The following KRTAP10-11 variants were observed in gnomAD, a reference collection of about 807,000 sequenced individuals.
KRTAP10-11 encodes the protein keratin associated protein 10-11, also known as keratin-associated protein 10-11.
For synonymous variants in KRTAP10-11, 188 were observed against 161.1 expected, an observed-to-expected ratio of 1.17 and a Z score of -1.27; for missense variants, 401 against 378.8, an observed-to-expected ratio of 1.06 and a Z score of -0.49.
Position 44,646,612 on chromosome 21 carries a change from T to C in KRTAP10-11, c.154T>C (p.Cys52Arg), listed in dbSNP as rs782387758. Residue 52 changes from cysteine (C) to arginine (R), a missense_variant, in exon 1 of 1, where the codon TGT (cysteine) becomes CGT (arginine). By Grantham distance (180) the Cys-to-Arg change is radical. Transcript: ENST00000334670. Reference sequence around the variant, plus strand: ...GAGCCTGGTCTGCACCCCAGTGAGCTGTGTGTCCAGCCCCTGCTGCCAGGC... The same window carrying C: ...GAGCCTGGTCTGCACCCCAGTGAGCCGTGTGTCCAGCCCCTGCTGCCAGGC... ...SLSLVCTPVS[C>R]VSSPCCQAAC... The C allele has an allele frequency of 1.9e-5, 31 of 1,612,848 alleles. No individual in the cohort carries two copies. The highest frequency in any genetic ancestry group is 2.3e-5 in the Non-Finnish European group (27 of 1,179,870).
At position 44,646,543 on chromosome 21, in the gene KRTAP10-11, C is replaced by G. The variant is rs781794270; in HGVS notation, c.85C>G (p.Pro29Ala). The G allele has an allele frequency of 2.5e-6, 4 of 1,612,600 alleles. No individual in the cohort carries two copies. The highest frequency in any genetic ancestry group is 3.3e-5 in the Admixed American group (2 of 60,022). ...VDDCPESCCEPPCSAPSCCAP... is the reference protein window; with the variant it reads ...VDDCPESCCEAPCSAPSCCAP... ...CGACTGCCCAGAGAGCTGCTGTGAG[C>G]CCCCCTGCAGCGCCCCCAGCTGCTG... is the stretch of plus-strand genomic sequence containing the variant. The change falls in exon 1 of 1, where the codon CCC becomes GCC. Residue 29 changes from proline to alanine, a missense_variant. Coordinates refer to ENST00000334670, the MANE Select transcript of KRTAP10-11 (RefSeq NM_198692.3).
chr21:44,646,556 C>A lies in KRTAP10-11; in HGVS notation c.98C>A (p.Ala33Asp), dbSNP rs1555939810. 1.2e-6 allele frequency: 2 copies of A among 1,612,346 alleles called. No homozygotes were observed. Among genetic ancestry groups the A allele is most frequent in the Non-Finnish European group, 1.7e-6 (2 of 1,179,940 alleles). Residue 33 changes from alanine (A) to aspartate (D), a missense_variant, in exon 1 of 1, where the codon GCC becomes GAC. Coordinates refer to ENST00000334670, the MANE Select transcript of KRTAP10-11 (RefSeq NM_198692.3). ...PESCCEPPCS[A>D]PSCCAPAPSL... ...AGCTGCTGTGAGCCCCCCTGCAGCGCCCCCAGCTGCTGCGCCCCGGCCCCC... is the reference window on the plus strand; with the variant it reads ...AGCTGCTGTGAGCCCCCCTGCAGCGACCCCAGCTGCTGCGCCCCGGCCCCC...
rs782793019 is a variant in KRTAP10-11 at position 44,646,804 on chromosome 21, G to A, written c.346G>A (p.Val116Met). 19 of 1,612,656 alleles carry A rather than the reference G, an allele frequency of 1.2e-5. No individual in the cohort carries two copies. The highest frequency in any genetic ancestry group is 1.6e-5 in the Non-Finnish European group (19 of 1,179,404). Reference sequence around the variant, plus strand: ...TGTCTGCTGCAAGCCTGTGTGCTGTGTGCCTGTCTGCTGTGGGGCTGCTTC... The same window carrying A: ...TGTCTGCTGCAAGCCTGTGTGCTGTATGCCTGTCTGCTGTGGGGCTGCTTC... Reference protein sequence around the residue: ...KTVCCKPVCCVPVCCGAASSC... With the variant: ...KTVCCKPVCCMPVCCGAASSC... The change falls in exon 1 of 1, where the codon GTG becomes ATG. Residue 116 changes from valine (V) to methionine (M), a missense_variant. By Grantham distance (21) the Val-to-Met change is conservative. Coordinates refer to ENST00000334670, the MANE Select transcript of KRTAP10-11 (RefSeq NM_198692.3).
chr21:44,647,166 T>C lies in KRTAP10-11; in HGVS notation c.708T>C (p.Ser236=), dbSNP rs587763118. ...CCTCCTGCTGCAGACCCTCCTCCTC[T>C]GTGTCCCTCCTCTGCCACCCCGTGT... The part of the protein sequence containing the change: ...CTTSCCRPSS[S]VSLLCHPVCR... Residue 236 remains serine (S), a synonymous_variant, in exon 1 of 1, where the codon TCT becomes TCC. Transcript: ENST00000334670. 1.5e-5 allele frequency: 24 copies of C among 1,613,926 alleles called. No homozygotes were observed. Among genetic ancestry groups the C allele is most frequent in the East Asian group, 4.5e-5 (2 of 44,862 alleles).
In KRTAP10-11 at chr21:44,647,513, C is replaced by G. The variant is rs1442865462; in HGVS notation, c.*158C>G. 2.2e-6 allele frequency: 2 copies of G among 896,066 alleles called. No homozygotes were observed. The highest frequency in any genetic ancestry group is 3.4e-6 in the Non-Finnish European group (2 of 592,830). 55.5% of individuals were successfully genotyped at this position (896,066 alleles called of 1,614,324 possible). A position where few individuals can be genotyped will look rare whatever the true frequency, so the allele number is the denominator to read the frequency against. On this transcript the variant is annotated 3_prime_UTR_variant, in exon 1 of 1. Transcript: ENST00000334670. ...TGAGCGCGTCACACTTTCCTCCCCA[C>G]TGTCTGGGAAGAGACAACCCACAAA... is the stretch of plus-strand genomic sequence containing the variant.
chr21:44,647,326 C>T lies in KRTAP10-11; in HGVS notation c.868C>T (p.Leu290Phe). ...AAGCTCCCGCCTGGCCTGCTACAGC[C>T]TCTGCTCAGGCAAGAAGTCCAGCTG... ...PASSRLACYSLCSGKKSSC is the reference protein window; with the variant it reads ...PASSRLACYSFCSGKKSSC Residue 290 changes from leucine (L) to phenylalanine (F), a missense_variant, in exon 1 of 1, where the codon CTC becomes TTC. By Grantham distance (22) the Leu-to-Phe change is conservative. Transcript: ENST00000334670. 1 of 1,613,876 alleles carries T rather than the reference C, an allele frequency of 6.2e-7. No individual in the cohort carries two copies. The highest frequency in any genetic ancestry group is 2.2e-5 in the East Asian group (1 of 44,884).
Position 44,647,236 on chromosome 21 carries a change from ACCT to A in KRTAP10-11, c.785_787del (p.Ser262del). 3.8e-6 allele frequency: 6 copies of A among 1,589,256 alleles called. No individual in the cohort carries two copies. Among genetic ancestry groups the A allele is most frequent in the Non-Finnish European group, 5.1e-6 (6 of 1,168,396 alleles). ...GCCCGTCTCCTCCTGCTGTGCCCCC[ACCT>A]CCTCCTGCCAGTCCAGCTGCTGCCG... On this transcript the variant is annotated inframe_deletion, in exon 1 of 1. Coordinates refer to ENST00000334670, the MANE Select transcript of KRTAP10-11 (RefSeq NM_198692.3).
Position 44,647,293 on chromosome 21 carries a change from C to T in KRTAP10-11, c.835C>T (p.Arg279Cys), listed in dbSNP as rs73909210. 22,864 of 1,612,164 alleles carry T rather than the reference C, an allele frequency of 0.014. 550 individuals are homozygous for T. Among genetic ancestry groups the T allele is most frequent in the African/African-American group, 0.1 (7,703 of 74,954 alleles). Reference protein sequence around the residue: ...RPASCVSLLCRPASSRLACYS... With the variant: ...RPASCVSLLCCPASSRLACYS... The stretch of plus-strand genomic sequence containing the variant: ...GGCCTCCTGCGTGTCCCTCCTCTGC[C>T]GCCCCGCAAGCTCCCGCCTGGCCTG... The change falls in exon 1 of 1, where the codon CGC becomes TGC. Residue 279 changes from arginine to cysteine, a missense_variant. By Grantham distance (180) the Arg-to-Cys change is radical (BLOSUM62 -3). Transcript: ENST00000334670.
Position 44,647,134 on chromosome 21 carries a change from T to C in KRTAP10-11, c.676T>C (p.Cys226Arg). The C allele has an allele frequency of 6.2e-7, 1 of 1,614,144 alleles. No individual in the cohort carries two copies. Among genetic ancestry groups the C allele is most frequent in the Non-Finnish European group, 8.5e-7 (1 of 1,180,004 alleles). Residue 226 changes from cysteine to arginine, a missense_variant, in exon 1 of 1, where the codon TGC becomes CGC. By Grantham distance (180) the Cys-to-Arg change is radical. Coordinates refer to ENST00000334670, the MANE Select transcript of KRTAP10-11 (RefSeq NM_198692.3). Reference sequence around the variant, plus strand: ...GCAGCCTAGCTGCCAGCCAGCTTGCTGCACCACCTCCTGCTGCAGACCCTC... The same window carrying C: ...GCAGCCTAGCTGCCAGCCAGCTTGCCGCACCACCTCCTGCTGCAGACCCTC... ...CQQPSCQPAC[C>R]TTSCCRPSSS...
In KRTAP10-11 at chr21:44,646,917, G is replaced by A. The variant is rs368758792; in HGVS notation, c.459G>A (p.Lys153=). 2.5e-6 allele frequency: 4 copies of A among 1,611,990 alleles called. No individual in the cohort carries two copies. The highest frequency in any genetic ancestry group is 3.4e-6 in the Non-Finnish European group (4 of 1,179,646). The part of the protein sequence containing the change: ...QPACCVPVCC[K]PVCCVSTCSE... Reference sequence around the variant, plus strand: ...CCTGCTGTGTGCCCGTCTGCTGCAAGCCTGTGTGCTGTGTGTCCACCTGCT... The same window carrying A: ...CCTGCTGTGTGCCCGTCTGCTGCAAACCTGTGTGCTGTGTGTCCACCTGCT... The change falls in exon 1 of 1, where the codon AAG becomes AAA. Residue 153 remains lysine, a synonymous_variant. Coordinates refer to ENST00000334670, the MANE Select transcript of KRTAP10-11 (RefSeq NM_198692.3).
At position 44,646,731 on chromosome 21, in the gene KRTAP10-11, C is replaced by T. The variant is rs1490614204; in HGVS notation, c.273C>T (p.Thr91=). 3.1e-6 allele frequency: 5 copies of T among 1,614,046 alleles called. No individual in the cohort carries two copies. The highest frequency in any genetic ancestry group is 4.2e-6 in the Non-Finnish European group (5 of 1,179,962). The change falls in exon 1 of 1, where the codon ACC becomes ACT. Residue 91 remains threonine (T), a synonymous_variant. Coordinates refer to ENST00000334670, the MANE Select transcript of KRTAP10-11 (RefSeq NM_198692.3). ...CTAGCTGCCAGCCGGCTTGCTGCACCTCCTCCCCCTGCCAGCAGGCCTGCT... is the reference window on the plus strand; with the variant it reads ...CTAGCTGCCAGCCGGCTTGCTGCACTTCCTCCCCCTGCCAGCAGGCCTGCT... ...QQSSCQPACC[T]SSPCQQACCV...
Position 44,646,872 on chromosome 21 carries a change from C to T in KRTAP10-11, c.414C>T (p.Ala138=). ...CTAGCTGCCAGCCAGCTTGCTGTGCCTCTTCCTCCTGCCAGCCGGCCTGCT... is the reference window on the plus strand; with the variant it reads ...CTAGCTGCCAGCCAGCTTGCTGTGCTTCTTCCTCCTGCCAGCCGGCCTGCT... ...RQSSCQPACC[A]SSSCQPACCV... Residue 138 remains alanine, a synonymous_variant, in exon 1 of 1, where the codon GCC becomes GCT. Coordinates refer to ENST00000334670, the MANE Select transcript of KRTAP10-11 (RefSeq NM_198692.3). 1 of 1,577,796 alleles carries T rather than the reference C, an allele frequency of 6.3e-7. No homozygotes were observed. Among genetic ancestry groups the T allele is most frequent in the Non-Finnish European group, 8.6e-7 (1 of 1,160,776 alleles).
rs1555939887 is a variant in KRTAP10-11 at position 44,646,653 on chromosome 21, C to A, written c.195C>A (p.Ser65Arg). The change falls in exon 1 of 1, where the codon AGC becomes AGA. Residue 65 changes from serine to arginine, a missense_variant. Physicochemically the swap from Ser to Arg is moderately radical, Grantham distance 110. Transcript: ENST00000334670. Reference protein sequence around the residue: ...SPCCQAACEPSACQSGCTSSC... With the variant: ...SPCCQAACEPRACQSGCTSSC... ...GCTGCCAGGCGGCCTGTGAGCCCAG[C>A]GCCTGCCAATCAGGCTGCACCAGCT... The A allele has an allele frequency of 6.2e-7, 1 of 1,613,676 alleles. No homozygotes were observed.
At position 44,647,493 on chromosome 21, in the gene KRTAP10-11, G is replaced by A. The variant is rs75189616; in HGVS notation, c.*138G>A. The A allele has an allele frequency of 1.5e-3, 1,568 of 1,038,398 alleles. 25 individuals are homozygous for A. The African/African-American group carries it at 0.022, about 14-fold the overall frequency. The allele number at this position is 1,038,398 out of a possible 1,614,324, so 64.3% of individuals were successfully genotyped here. Reference sequence around the variant, plus strand: ...CTGCTGCCTGAAGGGGATTTTGAGCGCGTCACACTTTCCTCCCCACTGTCT... The same window carrying A: ...CTGCTGCCTGAAGGGGATTTTGAGCACGTCACACTTTCCTCCCCACTGTCT... On this transcript the variant is annotated 3_prime_UTR_variant, in exon 1 of 1. Coordinates refer to ENST00000334670, the MANE Select transcript of KRTAP10-11 (RefSeq NM_198692.3).
Position 44,646,866 on chromosome 21 carries a change from C to G in KRTAP10-11, c.408C>G (p.Cys136Trp). The G allele has an allele frequency of 1.9e-6, 3 of 1,578,060 alleles. No homozygotes were observed. The highest frequency in any genetic ancestry group is 2.6e-6 in the Non-Finnish European group (3 of 1,160,940). ...GGCAGTCTAGCTGCCAGCCAGCTTGCTGTGCCTCTTCCTCCTGCCAGCCGG... is the reference window on the plus strand; with the variant it reads ...GGCAGTCTAGCTGCCAGCCAGCTTGGTGTGCCTCTTCCTCCTGCCAGCCGG... ...CCRQSSCQPA[C>W]CASSSCQPAC... is the part of the protein sequence containing the mutation. The change falls in exon 1 of 1, where the codon TGC (cysteine) becomes TGG (tryptophan). Residue 136 changes from cysteine (C) to tryptophan (W), a missense_variant. Physicochemically the swap from Cys to Trp is radical, Grantham distance 215. Coordinates refer to ENST00000334670, the MANE Select transcript of KRTAP10-11 (RefSeq NM_198692.3).
Position 44,647,538 on chromosome 21 carries a change from A to C in KRTAP10-11, c.*183A>C. Reference sequence around the variant, plus strand: ...CTGTCTGGGAAGAGACAACCCACAAATCCCTCAGCAGGTGGACTGTGGCTT... The same window carrying C: ...CTGTCTGGGAAGAGACAACCCACAACTCCCTCAGCAGGTGGACTGTGGCTT... On this transcript the variant is annotated 3_prime_UTR_variant, in exon 1 of 1. Coordinates refer to ENST00000334670, the MANE Select transcript of KRTAP10-11 (RefSeq NM_198692.3). 10 of 721,936 alleles carry C rather than the reference A, an allele frequency of 1.4e-5. No individual in the cohort carries two copies. Among genetic ancestry groups the C allele is most frequent in the East Asian group, 2.7e-5 (1 of 36,468 alleles). The allele number at this position is 721,936 out of a possible 1,614,324, so 44.7% of individuals were successfully genotyped here. A position where few individuals can be genotyped will look rare whatever the true frequency, so the allele number is the denominator to read the frequency against.
Position 44,647,190 on chromosome 21 carries a change from G to A in KRTAP10-11, c.732G>A (p.Val244=), listed in dbSNP as rs1451995358. Reference sequence around the variant, plus strand: ...CTGTGTCCCTCCTCTGCCACCCCGTGTGCAGGTCCACCTGCTGTGTGCCCG... The same window carrying A: ...CTGTGTCCCTCCTCTGCCACCCCGTATGCAGGTCCACCTGCTGTGTGCCCG... The part of the protein sequence containing the change: ...SSSVSLLCHP[V]CRSTCCVPVS... The change falls in exon 1 of 1, where the codon GTG becomes GTA. Residue 244 remains valine, a synonymous_variant. Transcript: ENST00000334670. 3.1e-6 allele frequency: 5 copies of A among 1,612,808 alleles called. 1 individual carries two copies. Among genetic ancestry groups the A allele is most frequent in the South Asian group, 1.1e-5 (1 of 90,998 alleles).
At chr21:44,646,844 AG>A in the KRTAP10-11 span, 2 of 1,575,084 alleles carry the variant, frequency 1.3e-6, no homozygotes, top group Non-Finnish European at 1.7e-6. Context: ...TGCTGCCGGC[AG>A]TCTAGCTGCC....
At position 44,646,686 on chromosome 21, in the gene KRTAP10-11, G is replaced by T. The variant is rs782359908; in HGVS notation, c.228G>T (p.Thr76=). The T allele has an allele frequency of 6.8e-6, 11 of 1,614,030 alleles. No individual in the cohort carries two copies. Among genetic ancestry groups the T allele is most frequent in the Non-Finnish European group, 9.3e-6 (11 of 1,179,992 alleles). Residue 76 remains threonine, a synonymous_variant, in exon 1 of 1, where the codon ACG becomes ACT. Coordinates refer to ENST00000334670, the MANE Select transcript of KRTAP10-11 (RefSeq NM_198692.3). ...AATCAGGCTGCACCAGCTCCTGCAC[G>T]CCGTCATGCTGCCAGCAGTCTAGCT... ...ACQSGCTSSC[T]PSCCQQSSCQ...
Sources: gnomAD v4.1 joint callset for allele counts on GRCh38, gnomAD v4.1.1 for gene constraint, MANE v1.5 for transcripts, NCBI Gene and HGNC (gene_info 2026-07-23, HGNC 2026-07-21) for gene names.